ITPR2: variants seen among roughly 807,000 people sequenced by gnomAD.
ITPR2 encodes inositol 1,4,5-trisphosphate receptor type 2.
A neutral mutation model predicts 317.1 loss-of-function variants in ITPR2; 207 were observed. The ratio of observed to expected loss-of-function variants is 0.65; its 90% CI spans 0.58 to 0.73. The LOEUF (loss-of-function observed/expected upper bound fraction) is 0.73. Ranked by LOEUF, ITPR2 falls within the 30% of genes least tolerant of loss-of-function variation. The probability of loss-of-function intolerance (pLI) is 0.00; values close to 1 mark genes in which losing one functional copy is unlikely to be tolerated. For synonymous variants in ITPR2, 1,156 were observed against 1,149.1 expected, an observed-to-expected ratio of 1.01 and a Z score of -0.12; for missense variants, 2,613 against 3,284.0, an observed-to-expected ratio of 0.80 and a Z score of 4.99.
chr12:26,635,799 T>C (rs931724010), intron 21 of ITPR2, among the ~76,000 whole-genome samples: 1 of 152,198 alleles, frequency 6.6e-6, no homozygotes, highest in African/African-American at 2.4e-5. Context: ...CTAGAGCAGT[T>C]TTCTATTTCA....
rs906645397 is a variant in ITPR2 at position 26,831,744 on chromosome 12, A to G, written c.92+946T>C. Among the ~76,000 whole-genome samples the G allele has an allele frequency of 8.8e-6, 1 of 113,218 alleles. No homozygotes were observed. The highest frequency in any genetic ancestry group is 2.8e-4 in the East Asian group (1 of 3,606). 74.3% of individuals were successfully genotyped at this position (113,218 alleles called of 152,430 possible). On this transcript the variant is annotated intron_variant, in intron 1 of 56. Transcript: ENST00000381340. This position sits in a 1 kb window ranked among gnomAD's most constrained non-coding sequence, Gnocchi z 4.9. ...TTCTACATAAAATATATAAATATAT[A>G]TTCTACATAAAATATATAAATATAT...
At position 26,482,883 on chromosome 12, in the gene ITPR2, T is replaced by TG. The variant is rs1942577514; in HGVS notation, c.6012+814dup. On this transcript the variant is annotated intron_variant, in intron 42 of 56. Coordinates refer to ENST00000381340, the MANE Select transcript of ITPR2 (RefSeq NM_002223.4). ...ATTTTCTATGTCAATCGTTGATGTTTGCTCTCAATGACTTTTTTAATATTT... is the reference window on the plus strand; with the variant it reads ...ATTTTCTATGTCAATCGTTGATGTTTGGCTCTCAATGACTTTTTTAATATTT... 1.3e-5 allele frequency among the ~76,000 whole-genome samples: 2 copies of TG among 152,266 alleles called. 1 individual carries two copies. The highest frequency in any genetic ancestry group is 4.1e-4 in the South Asian group (2 of 4,832).
At chr12:26,629,333 T>C (rs577006180) in intron 22 of ITPR2, among the ~76,000 whole-genome samples, 1 of 152,164 alleles carries the variant, frequency 6.6e-6, no homozygotes, top group Non-Finnish European at 1.5e-5. Flanking sequence ...ATGGCTGTAA[T>C]CCCAGCACTT....
chr12:26,595,372 T>C lies in ITPR2; in HGVS notation c.4380+93A>G, dbSNP rs536226834. On this transcript the variant is annotated intron_variant, in intron 32 of 56. Coordinates refer to ENST00000381340, the MANE Select transcript of ITPR2 (RefSeq NM_002223.4). ...TGAATGAATGCAACAAATCAAAAGG[T>C]AGTGAATTTAACTGCAAGTTTTCAT... 3 of 1,152,056 alleles carry C rather than the reference T, an allele frequency of 2.6e-6. No individual in the cohort carries two copies. In the East Asian group the frequency reaches 7.4e-5, roughly 28 times the overall value. The allele number at this position is 1,152,056 out of a possible 1,614,324, so 71.4% of individuals were successfully genotyped here.
chr12:26,603,385 G>C (rs1946050740), intron 26 of ITPR2, among the ~76,000 whole-genome samples: 2 of 152,044 alleles, frequency 1.3e-5, no homozygotes, highest in South Asian at 4.2e-4. Context: ...ACAAATATGG[G>C]GAGTGGACAT....
chr12:26,652,021 C>G (rs949305849), intron 21 of ITPR2, among the ~76,000 whole-genome samples: 1 of 152,192 alleles, frequency 6.6e-6, no homozygotes, highest in Non-Finnish European at 1.5e-5. Flanking sequence ...AAGTCCCTTC[C>G]TTTTAAGTTG....
At chr12:26,372,928 T>C (rs1939228757) in intron 55 of ITPR2, among the ~76,000 whole-genome samples, 1 of 152,142 alleles carries the variant, frequency 6.6e-6, no homozygotes, top group Admixed American at 6.5e-5. Flanking sequence ...ACCATTTAAT[T>C]TTCTCTTAGA....
chr12:26,500,748 A>G (rs16930877), intron 37 of ITPR2, among the ~76,000 whole-genome samples: 12,328 of 152,236 alleles, frequency 0.081, 1,240 homozygotes, highest in East Asian at 0.46. Flanking sequence ...ATCAAAAATT[A>G]AAAAGTTCAG....
chr12:26,692,240 T>C (rs1397012487), intron 10 of ITPR2, among the ~76,000 whole-genome samples: 1 of 151,996 alleles, frequency 6.6e-6, no homozygotes, highest in East Asian at 1.9e-4. Context: ...CAACAGGGAA[T>C]GATATTTGCC....
At chr12:26,493,509 G>A (rs1264060056) in intron 39 of ITPR2, among the ~76,000 whole-genome samples, 2 of 152,176 alleles carry the variant, frequency 1.3e-5, no homozygotes, top group Non-Finnish European at 2.9e-5. Flanking sequence ...CCTCAGTAGG[G>A]TGGCCATAAT....
chr12:26,648,411 A>G (rs1170321364), intron 21 of ITPR2, among the ~76,000 whole-genome samples: 4 of 152,216 alleles, frequency 2.6e-5, no homozygotes, highest in African/African-American at 9.6e-5. Flanking sequence ...ATGTAGTTCT[A>G]GTACACAAAA....
chr12:26,668,462 C>G (rs1199730443), intron 13 of ITPR2, among the ~76,000 whole-genome samples: 1 of 152,168 alleles, frequency 6.6e-6, no homozygotes, highest in Non-Finnish European at 1.5e-5. Context: ...CTCTCGATAT[C>G]AGATCTGGCT....
chr12:26,576,362 T>A (rs1055374101), intron 34 of ITPR2, among the ~76,000 whole-genome samples: 2 of 152,204 alleles, frequency 1.3e-5, no homozygotes, highest in Non-Finnish European at 1.5e-5. Flanking sequence ...AAAATAAAAA[T>A]TACGTTCTCT....
In ITPR2 at chr12:26,657,744, C is replaced by T. The variant is rs1432092107; in HGVS notation, c.2155G>A (p.Gly719Ser). The change falls in exon 18 of 57, where the codon GGC becomes AGC. Residue 719 changes from glycine to serine, a missense_variant. By Grantham distance (56) the Gly-to-Ser change is moderately conservative (BLOSUM62 0). Around this residue, in one of 9 missense-constraint regions of ITPR2, gnomAD observed 817 missense variants for 897.6 expected, o/e 0.91. Coordinates refer to ENST00000381340, the MANE Select transcript of ITPR2 (RefSeq NM_002223.4). ...AGAACTTCTAAGTCAGCTTTGGTGC[C>T]TTCTTTTGCCTCTTGAGCAAGGTGC... is the stretch of plus-strand genomic sequence containing the variant. ...IRHLAQEAKE[G>S]TKADLEVLTY... is the part of the protein sequence containing the mutation. 6.2e-7 allele frequency: 1 copy of T among 1,614,096 alleles called. No homozygotes were observed. Among genetic ancestry groups the T allele is most frequent in the African/African-American group, 1.3e-5 (1 of 75,018 alleles).
intron 37 of ITPR2, among the ~76,000 whole-genome samples, chr12:26,547,373 A>G (rs1467238945): frequency 6.6e-6 from 1 of 152,260 alleles, no homozygotes; most frequent in Non-Finnish European, 1.5e-5. Flanking sequence ...CCCCAGCCAG[A>G]ATGGCTATTA....
chr12:26,829,269 T>C (rs978635671), intron 1 of ITPR2, among the ~76,000 whole-genome samples: 3 of 152,186 alleles, frequency 2.0e-5, no homozygotes, highest in Non-Finnish European at 2.9e-5. Context: ...GTTTTCAAAG[T>C]AGAAAACTGC....
At chr12:26,772,556 A>G (rs141113755) in intron 2 of ITPR2, among the ~76,000 whole-genome samples, 1,706 of 137,310 alleles carry the variant, frequency 0.012, 31 homozygotes, top group African/African-American at 0.043. Flanking sequence ...TATATAATAC[A>G]TGTATTATAT....
intron 2 of ITPR2, among the ~76,000 whole-genome samples, chr12:26,745,577 G>C (rs1949307704): frequency 6.6e-6 from 1 of 152,182 alleles, no homozygotes; most frequent in Non-Finnish European, 1.5e-5. Flanking sequence ...CAAGAAAGGA[G>C]AAGAAATTCC....
chr12:26,392,819 A>G (rs1238160660), intron 54 of ITPR2, among the ~76,000 whole-genome samples: 1 of 152,218 alleles, frequency 6.6e-6, no homozygotes, highest in Non-Finnish European at 1.5e-5. Context: ...CTATCCTTAG[A>G]ATAGGAATTC....
Sources: gnomAD v4.1 joint callset for allele counts (sites outside exome capture counted in the v4.1 genomes callset) on GRCh38, gnomAD v4.1.1 for gene constraint, gnomAD v4.1.1 regional missense constraint, Gnocchi (gnomAD v3.1) non-coding constraint, MANE v1.5 for transcripts, NCBI Gene and HGNC (gene_info 2026-07-23, HGNC 2026-07-21) for gene names.